Variants in CHKA observed in about 807,000 individuals in gnomAD.
CHKA encodes choline kinase alpha.
CHKA carries 34 observed loss-of-function variants against 60.1 expected under a neutral mutation model. The observed-to-expected ratio is 0.57, with a 90% CI of 0.43 to 0.75. The LOEUF is 0.75. Ranked by LOEUF, CHKA falls within the 30% of genes least tolerant of loss-of-function variation. The probability of loss-of-function intolerance (pLI) is 0.00; values close to 1 mark genes in which losing one functional copy is unlikely to be tolerated. For synonymous variants in CHKA, 217 were observed against 223.1 expected (o/e 0.97, Z 0.24); for missense variants, 563 against 561.3 (o/e 1.00, Z -0.03).
chr11:68,065,799 G>A lies in CHKA; in HGVS notation c.1112C>T (p.Thr371Ile), dbSNP rs760778715. ...CTCATCTCCTACCTGTTGTTTCTTG[G>A]TGGGATACTTCCGGATGTTTGCTCT... ...FFRANIRKYP[T>I]KKQQLHFISS... The change falls in exon 9 of 12, where the codon ACC (threonine) becomes ATC (isoleucine). Residue 371 changes from threonine to isoleucine, a missense_variant. By Grantham distance (89) the Thr-to-Ile change is moderately conservative (BLOSUM62 -1). Coordinates refer to ENST00000265689, the MANE Select transcript of CHKA (RefSeq NM_001277.3). The A allele has an allele frequency of 1.1e-5, 17 of 1,596,956 alleles. No homozygotes were observed. The highest frequency in any genetic ancestry group is 1.5e-5 in the Non-Finnish European group (17 of 1,165,706).
chr11:68,070,481 G>T (rs533460899), intron 5 of CHKA, among the ~76,000 whole-genome samples, 188 bp from the exon 6 acceptor site: 19 of 152,120 alleles, frequency 1.2e-4, no homozygotes, highest in Non-Finnish European at 2.2e-4. Context: ...CTAGGAAGGT[G>T]ACTTTCTTCT....
At chr11:68,105,535 A>G (rs986228717) in intron 1 of CHKA, among the ~76,000 whole-genome samples, 5 of 151,002 alleles carry the variant, frequency 3.3e-5, no homozygotes, top group African/African-American at 7.3e-5. Flanking sequence ...AAAAAAAAAA[A>G]AAAAAGAAAA....
chr11:68,120,037 T>A (rs1021940372), intron 1 of CHKA, among the ~76,000 whole-genome samples: 3 of 152,070 alleles, frequency 2.0e-5, no homozygotes, highest in Non-Finnish European at 4.4e-5. Context: ...AAGATCAGCC[T>A]AACGAACATG....
chr11:68,090,631 A>T (rs1857320917), intron 2 of CHKA, among the ~76,000 whole-genome samples: 1 of 152,220 alleles, frequency 6.6e-6, no homozygotes, highest in Admixed American at 6.5e-5. Context: ...TAGATTTAAA[A>T]AGGACAGTGT....
Position 68,080,360 on chromosome 11 carries a change from T to C in CHKA, c.516+1044A>G, listed in dbSNP as rs531916560. ...ATTTCTTGATTTTTTTCTTTTTTTT[T>C]TGCATTTGGTGGGGACGACTCCTGT... On this transcript the variant is annotated intron_variant, in intron 3 of 11. Coordinates refer to ENST00000265689, the MANE Select transcript of CHKA (RefSeq NM_001277.3). Among the ~76,000 whole-genome samples the C allele has an allele frequency of 3.9e-5, 6 of 152,312 alleles. No homozygotes were observed. In the South Asian group the frequency reaches 1.2e-3, roughly 32 times the overall value.
chr11:68,054,378 T>A (rs1412817071), intron 11 of CHKA, among the ~76,000 whole-genome samples: 1 of 152,204 alleles, frequency 6.6e-6, no homozygotes. Context: ...CTGGGTGCTG[T>A]GGGCACTGAC....
intron 1 of CHKA, among the ~76,000 whole-genome samples, chr11:68,105,694 C>G (rs879324736): frequency 3.9e-5 from 6 of 151,964 alleles, no homozygotes; most frequent in Admixed American, 6.6e-5. Context: ...AGATGACAAA[C>G]CTGAGGAACT....
At chr11:68,093,150 G>C (rs1857403877) in intron 2 of CHKA, among the ~76,000 whole-genome samples, 1 of 151,974 alleles carries the variant, frequency 6.6e-6, no homozygotes, top group African/African-American at 2.4e-5. Context: ...TGGGACCACA[G>C]GCACATGCCA....
chr11:68,109,847 G>A (rs1858067311), intron 1 of CHKA, among the ~76,000 whole-genome samples: 1 of 152,156 alleles, frequency 6.6e-6, no homozygotes, highest in South Asian at 2.1e-4. Flanking sequence ...AGCTACTCGG[G>A]TGACTGAGGC....
chr11:68,116,940 A>G (rs571007412), intron 1 of CHKA, among the ~76,000 whole-genome samples: 1 of 152,156 alleles, frequency 6.6e-6, no homozygotes. Context: ...CACAGCAAAG[A>G]GGCCAACTTA....
At chr11:68,084,334 ACG>A (rs1857093800) in intron 2 of CHKA, among the ~76,000 whole-genome samples, 1 of 140,264 alleles carries the variant, frequency 7.1e-6, no homozygotes, top group African/African-American at 2.6e-5. Context: ...ATACACATAT[ACG>A]TATATATATG....
intron 1 of CHKA, among the ~76,000 whole-genome samples, chr11:68,119,662 G>T (rs993829833): frequency 6.6e-6 from 1 of 152,048 alleles, no homozygotes; most frequent in Admixed American, 6.6e-5. Flanking sequence ...TAGATATGGG[G>T]TTTCACCATG....
chr11:68,110,737 C>T (rs181328751), intron 1 of CHKA, among the ~76,000 whole-genome samples: 338 of 152,222 alleles, frequency 2.2e-3, no homozygotes, highest in Middle Eastern at 6.8e-3. Flanking sequence ...GTGGCTCATG[C>T]TTGTAATCCC....
At chr11:68,114,283 TGCCAAAACCGTGAAGTAACCCA>T (rs1858298611) in intron 1 of CHKA, among the ~76,000 whole-genome samples, 2 of 152,204 alleles carry the variant, frequency 1.3e-5, no homozygotes, top group South Asian at 4.1e-4. Context: ...TATTCATAAT[TGCCAAAACCGTGAAGTAACCCA>T]GATGTCCTTC....
intron 1 of CHKA, among the ~76,000 whole-genome samples, chr11:68,098,047 G>A (rs1292404701): frequency 6.6e-6 from 1 of 152,124 alleles, no homozygotes; most frequent in Non-Finnish European, 1.5e-5. Flanking sequence ...CAAGGCAGGT[G>A]GATCACCTGA....
intron 1 of CHKA, among the ~76,000 whole-genome samples, chr11:68,118,948 A>G (rs942165227): frequency 6.6e-6 from 1 of 152,240 alleles, no homozygotes; most frequent in African/African-American, 2.4e-5. Context: ...GCACTGGTGC[A>G]GGAGAAGGGG....
chr11:68,070,642 T>C (rs560577592), intron 5 of CHKA, 82 bp downstream of exon 5: 709 of 1,471,842 alleles, frequency 4.8e-4, no homozygotes, highest in Admixed American at 6.2e-4. Context: ...CTGACTACTG[T>C]GGCAAACAAA....
At chr11:68,063,838 G>T (rs576127699) in intron 10 of CHKA, among the ~76,000 whole-genome samples, 1 of 152,080 alleles carries the variant, frequency 6.6e-6, no homozygotes, top group South Asian at 2.1e-4. Context: ...CTCTCCTGGC[G>T]CCATGTAAGA....
intron 11 of CHKA, chr11:68,061,532 T>C: frequency 3.4e-6 from 1 of 293,440 alleles, no homozygotes; most frequent in Non-Finnish European, 7.0e-6. Context: ...GGCTGGAGAA[T>C]GAAGTGGTAA....
Sources: gnomAD v4.1 joint callset for allele counts (sites outside exome capture counted in the v4.1 genomes callset) on GRCh38, gnomAD v4.1.1 for gene constraint, MANE v1.5 for transcripts, NCBI Gene and HGNC (gene_info 2026-07-23, HGNC 2026-07-21) for gene names.